The following DLC1 variants were observed in gnomAD, a reference collection of about 807,000 sequenced individuals.
The protein encoded by DLC1 is rho GTPase-activating protein 7.
In DLC1, 54 loss-of-function variants were observed where a neutral mutation model predicts 140.3. The observed-to-expected ratio is 0.38, with a 90% confidence interval of 0.31 to 0.48. The LOEUF is 0.48. Among genes scored for constraint, DLC1 ranks in the 20% least tolerant of loss-of-function variants. DLC1 has a pLI of 0.96. For missense variants in DLC1, 2,536 were observed against 1,907.0 expected (o/e 1.33, Z -6.14); for synonymous variants, 986 against 728.1 (o/e 1.35, Z -5.70).
intron 7 of DLC1, among the ~76,000 whole-genome samples, chr8:13,107,551 T>C (rs1819670229): frequency 6.6e-6 from 1 of 152,344 alleles, no homozygotes; most frequent in African/African-American, 2.4e-5. Flanking sequence ...ATAAAAAGTC[T>C]GTCAGTCTAG....
rs34727279 is a variant in DLC1, at chr8:13,214,557, C to CTTT, written c.1348+90709_1348+90711dup. 4,763 of 578,624 alleles carry CTTT rather than the reference C, an allele frequency of 8.2e-3. 43 individuals carry two copies. Among genetic ancestry groups the CTTT allele is most frequent in the Non-Finnish European group, 9.7e-3 (3,155 of 324,200 alleles). 35.8% of individuals were successfully genotyped at this position (578,624 alleles called of 1,614,324 possible). ...AGCTGTCCCCCGGCCCCAACCCCAC[C>CTTT]TTTTTTTTTTTTTTTTTGTGGCTGC... On this transcript the variant is annotated intron_variant, in intron 5 of 17. Coordinates refer to ENST00000276297, the MANE Select transcript of DLC1 (RefSeq NM_182643.3).
intron 5 of DLC1, among the ~76,000 whole-genome samples, chr8:13,176,532 T>C (rs1825768812): frequency 6.6e-6 from 1 of 152,130 alleles, no homozygotes; most frequent in South Asian, 2.1e-4. Flanking sequence ...TGAGCCAAGA[T>C]TGTGCCACTG....
intron 2 of DLC1, among the ~76,000 whole-genome samples, chr8:13,411,515 A>T (rs980708597): frequency 2.6e-5 from 4 of 152,160 alleles, no homozygotes; most frequent in Non-Finnish European, 4.4e-5. Flanking sequence ...TACAACACCA[A>T]TAGTAGACAC....
chr8:13,343,853 A>G (rs1834190546), intron 4 of DLC1, among the ~76,000 whole-genome samples: 1 of 152,174 alleles, frequency 6.6e-6, no homozygotes, highest in Non-Finnish European at 1.5e-5. Context: ...GTCTGAAAAT[A>G]AGGCTACAGT....
intron 1 of DLC1, among the ~76,000 whole-genome samples, chr8:13,601,704 T>C (rs1805891985): frequency 6.7e-6 from 1 of 149,942 alleles, no homozygotes; most frequent in South Asian, 2.1e-4. Flanking sequence ...AAGAAAGGGG[T>C]TGGGGAACAA....
intron 2 of DLC1, among the ~76,000 whole-genome samples, chr8:13,483,171 G>C (rs780849170): frequency 6.6e-6 from 1 of 152,160 alleles, no homozygotes; most frequent in African/African-American, 2.4e-5. Context: ...GGCCTTGTCT[G>C]TGTGTCCATG....
chr8:13,350,657 A>C (rs1160394753), intron 4 of DLC1, among the ~76,000 whole-genome samples: 1 of 152,160 alleles, frequency 6.6e-6, no homozygotes. Flanking sequence ...CGGAGGTTGC[A>C]GTGAGCCTAG....
At chr8:13,253,213 C>A (rs1302830176) in intron 5 of DLC1, among the ~76,000 whole-genome samples, 1 of 152,144 alleles carries the variant, frequency 6.6e-6, no homozygotes, top group African/African-American at 2.4e-5. Flanking sequence ...TAAGAATAGT[C>A]ATGCAAATTT....
In DLC1 at chr8:13,084,074, A is replaced by T. The variant is rs2128923770; in HGVS notation, c.*1737T>A. Reference sequence around the variant, plus strand: ...AATAAGAAGAAAAAAGCCTTGAGGTACAAAACCCAAAAGAATATCTGAGGT... The same window carrying T: ...AATAAGAAGAAAAAAGCCTTGAGGTTCAAAACCCAAAAGAATATCTGAGGT... On this transcript the variant is annotated 3_prime_UTR_variant, in exon 18 of 18. Coordinates refer to ENST00000276297, the MANE Select transcript of DLC1 (RefSeq NM_182643.3). 6.5e-6 allele frequency: 1 copy of T among 152,730 alleles called. No homozygotes were observed. Among genetic ancestry groups the T allele is most frequent in the South Asian group, 2.1e-4 (1 of 4,830 alleles). The allele number at this position is 152,730 out of a possible 1,614,324, so 9.5% of individuals were successfully genotyped here.
chr8:13,554,368 A>G (rs1803970232), intron 1 of DLC1, among the ~76,000 whole-genome samples: 1 of 152,030 alleles, frequency 6.6e-6, no homozygotes, highest in Non-Finnish European at 1.5e-5. Flanking sequence ...ATCTGGCTAT[A>G]TGCTTATCAC....
At chr8:13,446,437 T>C (rs562943229) in intron 2 of DLC1, among the ~76,000 whole-genome samples, 1 of 152,318 alleles carries the variant, frequency 6.6e-6, no homozygotes, top group East Asian at 1.9e-4. Flanking sequence ...TGAGCAAGAC[T>C]GTTATTGCAG....
At chr8:13,114,052 T>C (rs1453889542) in intron 6 of DLC1, among the ~76,000 whole-genome samples, 2 of 152,198 alleles carry the variant, frequency 1.3e-5, no homozygotes, top group African/African-American at 4.8e-5. Context: ...TAGAGTATAA[T>C]GAAACTCCCA....
chr8:13,090,561 G>T, intron 14 of DLC1, 91 bp from the exon 15 acceptor site: 2 of 1,459,296 alleles, frequency 1.4e-6, no homozygotes, highest in Non-Finnish European at 9.3e-7. Context: ...AGGAACAATG[G>T]CCTGGTCCTT....
At chr8:13,099,219 A>C (rs553394203) in intron 9 of DLC1, 128 bp downstream of exon 9, 301 of 1,462,042 alleles carry the variant, frequency 2.1e-4, no homozygotes, top group Non-Finnish European at 2.6e-4. Context: ...CTGGTTTGAC[A>C]CCTTCCTTAG....
At chr8:13,164,640 AC>A (rs986606385) in intron 5 of DLC1, among the ~76,000 whole-genome samples, 18 of 152,104 alleles carry the variant, frequency 1.2e-4, no homozygotes, top group Admixed American at 2.6e-4. Context: ...CAAAAACTTC[AC>A]CCCTCTGGAG....
intron 4 of DLC1, among the ~76,000 whole-genome samples, chr8:13,369,048 C>T (rs1389357998): frequency 1.3e-5 from 2 of 152,170 alleles, no homozygotes; most frequent in African/African-American, 2.4e-5. Context: ...TCTCAAACTC[C>T]TGACCTCAAA....
At chr8:13,413,758 G>C (rs1265768011) in intron 2 of DLC1, among the ~76,000 whole-genome samples, 2 of 152,126 alleles carry the variant, frequency 1.3e-5, no homozygotes, top group Admixed American at 1.3e-4. Flanking sequence ...GAAGGTACTT[G>C]CTTCTCCTTA....
At chr8:13,199,546 G>A (rs1827260988) in intron 5 of DLC1, among the ~76,000 whole-genome samples, 1 of 152,122 alleles carries the variant, frequency 6.6e-6, no homozygotes, top group East Asian at 1.9e-4. Context: ...CTGCTCTGTT[G>A]TTCTGCACTT....
intron 5 of DLC1, chr8:13,276,511 TTGCGGCTGGCAC>T (rs1831174835): frequency 9.9e-6 from 13 of 1,307,100 alleles, no homozygotes; most frequent in Non-Finnish European, 1.2e-5. Flanking sequence ...GAGGCCGGCA[TTGCGGCTGGCAC>T]TGCGGCCCCG....
Sources: allele counts gnomAD v4.1 joint callset (sites outside exome capture counted in the v4.1 genomes callset), GRCh38; gene constraint gnomAD v4.1.1; transcripts MANE v1.5; gene names NCBI Gene and HGNC (gene_info 2026-07-23, HGNC 2026-07-21).